Variants in YY1 observed in about 807,000 individuals in gnomAD.
YY1 encodes the protein YY1 transcription factor.
In YY1, 2 loss-of-function variants were observed where a neutral mutation model predicts 35.6. The observed-to-expected ratio is 0.06, with a 90% CI of 0.02 to 0.18. The LOEUF is 0.18. Ranked by LOEUF, YY1 falls within the 10% of genes least tolerant of loss-of-function variation. The pLI is 1.00. For missense variants in YY1, 322 were observed against 573.4 expected (o/e 0.56, Z 4.48); for synonymous variants, 268 against 238.9 (o/e 1.12, Z -1.12).
intron 2 of YY1, among the ~76,000 whole-genome samples, chr14:100,267,791 G>C (rs149756161): frequency 6.6e-6 from 1 of 152,198 alleles, no homozygotes; most frequent in Non-Finnish European, 1.5e-5. Context: ...CAAAGTGCTG[G>C]GATTACAGGC....
At chr14:100,241,923 C>T (rs1263558886) in intron 1 of YY1, among the ~76,000 whole-genome samples, 4 of 140,052 alleles carry the variant, frequency 2.9e-5, no homozygotes, top group Non-Finnish European at 4.5e-5. Flanking sequence ...AACAGTGAGC[C>T]GAGATTGCAC....
chr14:100,240,354 G>C (rs1442188925), intron 1 of YY1, among the ~76,000 whole-genome samples: 2 of 148,100 alleles, frequency 1.4e-5, no homozygotes, highest in Non-Finnish European at 3.0e-5. Context: ...CCGCGGCCTC[G>C]CGGGCCAGGG....
intron 2 of YY1, among the ~76,000 whole-genome samples, chr14:100,266,803 GT>G (rs1891163088): frequency 6.6e-6 from 1 of 152,192 alleles, no homozygotes; most frequent in Admixed American, 6.5e-5. Flanking sequence ...TAAACATAGA[GT>G]TATTGATCCA....
intron 1 of YY1, among the ~76,000 whole-genome samples, chr14:100,248,122 T>TTTTTTC (rs1555369343): frequency 0.018 from 502 of 28,574 alleles, 6 homozygotes; most frequent in African/African-American, 0.088. Flanking sequence ...TTTTTTTTTC[T>TTTTTTC]TTTTTTTTTT....
intron 2 of YY1, among the ~76,000 whole-genome samples, chr14:100,265,776 G>A (rs1437077866): frequency 6.6e-6 from 1 of 150,584 alleles, no homozygotes; most frequent in Non-Finnish European, 1.5e-5. Flanking sequence ...AGCCTCCCAA[G>A]TAGCTGGGAT....
intron 2 of YY1, among the ~76,000 whole-genome samples, chr14:100,265,921 A>G (rs1891148079): frequency 6.6e-6 from 1 of 152,288 alleles, no homozygotes; most frequent in South Asian, 2.1e-4. Context: ...GGCTGGGATT[A>G]CAGGTGTGAG....
rs767575930 is a variant in YY1, at chr14:100,239,384, A to G, written c.140A>G (p.Glu47Gly). The G allele has an allele frequency of 6.3e-7, 1 of 1,599,218 alleles. No individual in the cohort carries two copies. Among genetic ancestry groups the G allele is most frequent in the Non-Finnish European group, 8.5e-7 (1 of 1,174,052 alleles). ...ETTVVGEEEE[E>G]DDDDEDGGGG... ...ACAGTGGTGGGCGAGGAGGAGGAGG[A>G]GGACGACGACGACGAGGACGGCGGC... is the stretch of plus-strand genomic sequence containing the variant. The change falls in exon 1 of 5, where the codon GAG becomes GGG. Residue 47 changes from glutamate (E) to glycine (G), a missense_variant. Physicochemically the swap from Glu to Gly is moderately conservative, Grantham distance 98. Coordinates refer to ENST00000262238, the MANE Select transcript of YY1 (RefSeq NM_003403.5).
intron 1 of YY1, among the ~76,000 whole-genome samples, chr14:100,243,853 C>A (rs1890787568): frequency 6.6e-6 from 1 of 150,906 alleles, no homozygotes; most frequent in Non-Finnish European, 1.5e-5. Flanking sequence ...CGCCTGTAAT[C>A]CCAGCACTTT....
At chr14:100,255,025 C>A (rs2139581186) in intron 1 of YY1, among the ~76,000 whole-genome samples, 1 of 122,766 alleles carries the variant, frequency 8.1e-6, no homozygotes, top group East Asian at 2.9e-4. Flanking sequence ...TCTCAAACTA[C>A]TGACCTCGTG....
intron 2 of YY1, 27 bp downstream of exon 2, chr14:100,262,493 T>C (rs755661711): frequency 3.1e-6 from 5 of 1,612,566 alleles, no homozygotes; most frequent in Non-Finnish European, 4.2e-6. Context: ...TTCCTTTCTT[T>C]TAATTATAGA....
chr14:100,280,957 G>A lies in YY1; in HGVS notation c.*3357G>A, dbSNP rs1001052356. The stretch of plus-strand genomic sequence containing the variant: ...AATTGGAAGCCTGATAATTTCGGGA[G>A]GCTGAGGCAGGAGAACGGCGTGAAC... On this transcript the variant is annotated 3_prime_UTR_variant, in exon 5 of 5. Coordinates refer to ENST00000262238, the MANE Select transcript of YY1 (RefSeq NM_003403.5). The A allele has an allele frequency of 2.0e-5, 3 of 151,210 alleles. No homozygotes were observed. Among genetic ancestry groups the A allele is most frequent in the East Asian group, 1.9e-4 (1 of 5,138 alleles). The allele number at this position is 151,210 out of a possible 1,614,324, so 9.4% of individuals were successfully genotyped here.
In YY1 at chr14:100,280,047, C is replaced by A. The variant is rs1399062250; in HGVS notation, c.*2447C>A. 6.6e-6 allele frequency: 1 copy of A among 152,242 alleles called. No homozygotes were observed. The highest frequency in any genetic ancestry group is 1.5e-5 in the Non-Finnish European group (1 of 68,046). The allele number at this position is 152,242 out of a possible 1,614,324, so 9.4% of individuals were successfully genotyped here. A position where few individuals can be genotyped will look rare whatever the true frequency, so the allele number is the denominator to read the frequency against. ...ACGTCTTCTCAGTCTGCAGAGTTAA[C>A]TTCTGTAAGGAGTTTAATCTGGGGT... On this transcript the variant is annotated 3_prime_UTR_variant, in exon 5 of 5. Coordinates refer to ENST00000262238, the MANE Select transcript of YY1 (RefSeq NM_003403.5).
intron 1 of YY1, among the ~76,000 whole-genome samples, chr14:100,250,548 A>C (rs1323421583): frequency 6.6e-6 from 1 of 152,138 alleles, no homozygotes; most frequent in African/African-American, 2.4e-5. Flanking sequence ...CTGGCAGTCA[A>C]AATTAAAAAA....
chr14:100,276,383 G>A lies in YY1; in HGVS notation c.904-107G>A, dbSNP rs1017497325. Reference sequence around the variant, plus strand: ...ATACTAAGTAAAATTAAAATGGGGGGTTGGGGAGGTGGTTTTGTTTTAATA... The same window carrying A: ...ATACTAAGTAAAATTAAAATGGGGGATTGGGGAGGTGGTTTTGTTTTAATA... On this transcript the variant is annotated intron_variant, in intron 3 of 4. Coordinates refer to ENST00000262238, the MANE Select transcript of YY1 (RefSeq NM_003403.5). The surrounding 1 kb of genome is among the most constrained non-coding windows in gnomAD (Gnocchi z 4.1). The A allele has an allele frequency of 6.8e-6, 10 of 1,465,756 alleles. No homozygotes were observed. The African/African-American group carries it at 1.1e-4, about 16-fold the overall frequency. 90.8% of individuals were successfully genotyped at this position (1,465,756 alleles called of 1,614,324 possible). A position where few individuals can be genotyped will look rare whatever the true frequency, so the allele number is the denominator to read the frequency against.
chr14:100,256,166 C>T (rs1891003198), intron 1 of YY1, among the ~76,000 whole-genome samples: 1 of 152,064 alleles, frequency 6.6e-6, no homozygotes, highest in Non-Finnish European at 1.5e-5. Flanking sequence ...ATCTATATGC[C>T]AGTGATTCTC....
At chr14:100,261,573 C>T (rs1160104022) in intron 1 of YY1, among the ~76,000 whole-genome samples, 2 of 152,224 alleles carry the variant, frequency 1.3e-5, no homozygotes, top group Admixed American at 1.3e-4. Context: ...GACCAACCTC[C>T]ATGTCCATAT....
intron 1 of YY1, among the ~76,000 whole-genome samples, chr14:100,243,049 A>G (rs556534224): frequency 3.0e-4 from 46 of 152,334 alleles, no homozygotes; most frequent in African/African-American, 1.1e-3. Context: ...GTGGTAAACT[A>G]TCCCCCTTAC....
rs929471263 is a variant in YY1 at position 100,281,888 on chromosome 14, C to T, written c.*4288C>T. 6.6e-6 allele frequency: 1 copy of T among 152,284 alleles called. No homozygotes were observed. The allele number at this position is 152,284 out of a possible 1,614,324, so 9.4% of individuals were successfully genotyped here. The stretch of plus-strand genomic sequence containing the variant: ...AGAGGGCAGATTTGTGGCCAAGAGG[C>T]TTCCTGGCATCCACCCCCAGGCCCA... On this transcript the variant is annotated 3_prime_UTR_variant, in exon 5 of 5. Coordinates refer to ENST00000262238, the MANE Select transcript of YY1 (RefSeq NM_003403.5).
intron 1 of YY1, among the ~76,000 whole-genome samples, chr14:100,255,812 C>G (rs991715283): frequency 6.6e-6 from 1 of 152,200 alleles, no homozygotes; most frequent in Non-Finnish European, 1.5e-5. Context: ...TTTCTTTAGA[C>G]AGAGCTAGTT....
Sources: allele counts gnomAD v4.1 joint callset (sites outside exome capture counted in the v4.1 genomes callset), GRCh38; gene constraint gnomAD v4.1.1; non-coding constraint Gnocchi (gnomAD v3.1); transcripts MANE v1.5; gene names NCBI Gene and HGNC (gene_info 2026-07-23, HGNC 2026-07-21).